SERPINF2: variants seen among roughly 807,000 people sequenced by gnomAD.
SERPINF2 encodes the protein serpin family F member 2, also known as alpha-2-antiplasmin.
SERPINF2 carries 15 observed loss-of-function variants against 45.0 expected under a neutral mutation model. The ratio of observed to expected loss-of-function variants is 0.33; its 90% CI spans 0.22 to 0.51. The LOEUF (loss-of-function observed/expected upper bound fraction) is 0.51, where lower values mean the gene tolerates loss of function less well. Ranked by LOEUF, SERPINF2 falls within the 20% of genes least tolerant of loss-of-function variation. SERPINF2 has a pLI of 0.97. For synonymous variants in SERPINF2, 283 were observed against 277.9 expected (o/e 1.02, Z -0.18); for missense variants, 518 against 637.4 (o/e 0.81, Z 2.02).
At position 1,745,549 on chromosome 17, in the gene SERPINF2, C is replaced by A; in HGVS notation, c.165+154C>A. The A allele has an allele frequency of 1.7e-6, 2 of 1,189,868 alleles. No individual in the cohort carries two copies. Among genetic ancestry groups the A allele is most frequent in the Non-Finnish European group, 1.2e-6 (1 of 831,008 alleles). The allele number at this position is 1,189,868 out of a possible 1,614,324, so 73.7% of individuals were successfully genotyped here. A position where few individuals can be genotyped will look rare whatever the true frequency, so the allele number is the denominator to read the frequency against. On this transcript the variant is annotated intron_variant, in intron 4 of 9. Transcript: ENST00000453066. This position sits in a 1 kb window ranked among gnomAD's most constrained non-coding sequence, Gnocchi z 6.2. ...GGTGGGGAGGACCGAAGGTGGGCGC[C>A]AGGCCCCAGAATGCCAGTGCCCTCC... is the stretch of plus-strand genomic sequence containing the variant.
intron 7 of SERPINF2, among the ~76,000 whole-genome samples, chr17:1,747,995 AT>A (rs998846068): frequency 2.0e-5 from 3 of 148,484 alleles, no homozygotes; most frequent in African/African-American, 7.4e-5. Flanking sequence ...CTGGGAACAA[AT>A]GGTCTGAAAA....
intron 9 of SERPINF2, 23 bp downstream of exon 9, chr17:1,752,813 GC>G (rs1906508682): frequency 8.2e-6 from 13 of 1,582,694 alleles, no homozygotes; most frequent in Non-Finnish European, 9.5e-6. Flanking sequence ...GTGCGGGCGA[GC>G]CCCCGAGGTC....
intron 8 of SERPINF2, among the ~76,000 whole-genome samples, chr17:1,750,443 G>C (rs963206656): frequency 6.6e-6 from 1 of 151,536 alleles, no homozygotes; most frequent in Non-Finnish European, 1.5e-5. Context: ...CACCGTGCCC[G>C]GCCAATTTTT....
intron 7 of SERPINF2, 82 bp downstream of exon 7, chr17:1,747,594 T>G: frequency 1.4e-6 from 2 of 1,458,358 alleles, no homozygotes; most frequent in Non-Finnish European, 1.9e-6. Flanking sequence ...GAGACAAGTC[T>G]CGCTCTGTCA....
At chr17:1,750,970 C>T (rs559480978) in intron 8 of SERPINF2, among the ~76,000 whole-genome samples, 3 of 152,282 alleles carry the variant, frequency 2.0e-5, no homozygotes, top group African/African-American at 7.2e-5. Context: ...CCTTAGGCCC[C>T]GTCAGCCTTT....
intron 5 of SERPINF2, among the ~76,000 whole-genome samples, chr17:1,746,450 A>C (rs2151189431): frequency 1.4e-5 from 2 of 144,776 alleles, no homozygotes; most frequent in East Asian, 4.1e-4. Flanking sequence ...TTTTTGAGAC[A>C]GAGTCTTGCT....
chr17:1,749,697 G>C (rs1327059910), intron 8 of SERPINF2, among the ~76,000 whole-genome samples: 1 of 152,170 alleles, frequency 6.6e-6, no homozygotes, highest in Non-Finnish European at 1.5e-5. Flanking sequence ...ACCAGGCCTG[G>C]CCTTATTTAG....
rs552317098 is a variant in SERPINF2, at chr17:1,755,065, C to T, written c.*531C>T. 9.5e-5 allele frequency: 15 copies of T among 158,354 alleles called. No homozygotes were observed. The highest frequency in any genetic ancestry group is 3.1e-3 in the Middle Eastern group (1 of 322). The allele number at this position is 158,354 out of a possible 1,614,324, so 9.8% of individuals were successfully genotyped here. A position where few individuals can be genotyped will look rare whatever the true frequency, so the allele number is the denominator to read the frequency against. ...GAGTCCATCAGCCTCCATCCTACCC[C>T]CTGTGCCTTGTCACGCCAGACTTCC... On this transcript the variant is annotated 3_prime_UTR_variant, in exon 10 of 10. Coordinates refer to ENST00000453066, the MANE Select transcript of SERPINF2 (RefSeq NM_000934.4). This position sits in a 1 kb window ranked among gnomAD's most constrained non-coding sequence, Gnocchi z 4.2.
intron 1 of SERPINF2, among the ~76,000 whole-genome samples, chr17:1,743,392 C>T (rs1597318317): frequency 6.6e-6 from 1 of 152,314 alleles, no homozygotes; most frequent in East Asian, 1.9e-4. Flanking sequence ...GTATGTCCAG[C>T]CTTGTGGGCA....
chr17:1,751,493 G>T (rs1324720291), intron 8 of SERPINF2, among the ~76,000 whole-genome samples: 1 of 132,994 alleles, frequency 7.5e-6, no homozygotes, highest in African/African-American at 2.5e-5. Flanking sequence ...ACAGGCTCAT[G>T]CCTGTAATCC....
intron 1 of SERPINF2, 180 bp downstream of exon 1, chr17:1,743,088 G>A (rs1905438079): frequency 2.0e-6 from 2 of 985,238 alleles, no homozygotes; most frequent in Non-Finnish European, 2.4e-6. Context: ...TCGGAGTCGG[G>A]GCCCTGGCCA....
At position 1,747,119 on chromosome 17, in the gene SERPINF2, C is replaced by A. The variant is rs776180935; in HGVS notation, c.468C>A (p.Gly156=). The change falls in exon 6 of 10, where the codon GGC becomes GGA. Residue 156 remains glycine (G), a synonymous_variant. Transcript: ENST00000453066. ...HLLSRLCQDL[G]PGAFRLAARM... ...TGAGCCGCCTCTGCCAGGACCTGGG[C>A]CCCGGCGCGTTCCGACTGGCTGCCA... 2.5e-5 allele frequency: 41 copies of A among 1,611,494 alleles called. No individual in the cohort carries two copies. The highest frequency in any genetic ancestry group is 3.5e-5 in the Non-Finnish European group (41 of 1,179,986).
Position 1,745,242 on chromosome 17 carries a change from G to C in SERPINF2, c.102+29G>C, listed in dbSNP as rs748843459. On this transcript the variant is annotated intron_variant, in intron 3 of 9. Coordinates refer to ENST00000453066, the MANE Select transcript of SERPINF2 (RefSeq NM_000934.4). The surrounding 1 kb of genome is among the most constrained non-coding windows in gnomAD (Gnocchi z 6.2). The stretch of plus-strand genomic sequence containing the variant: ...CTGGGGAGTGAGGAGCCTGTGATGG[G>C]GGGAAGGTCCCGGGGGTCTCACTGG... The C allele has an allele frequency of 1.9e-6, 3 of 1,584,134 alleles. No homozygotes were observed. Among genetic ancestry groups the C allele is most frequent in the African/African-American group, 2.7e-5 (2 of 74,094 alleles).
In SERPINF2 at chr17:1,754,617, C is replaced by T; in HGVS notation, c.*83C>T. The T allele has an allele frequency of 6.7e-7, 1 of 1,482,102 alleles. No homozygotes were observed. Among genetic ancestry groups the T allele is most frequent in the Non-Finnish European group, 9.0e-7 (1 of 1,112,708 alleles). The allele number at this position is 1,482,102 out of a possible 1,614,324, so 91.8% of individuals were successfully genotyped here. A position where few individuals can be genotyped will look rare whatever the true frequency, so the allele number is the denominator to read the frequency against. On this transcript the variant is annotated 3_prime_UTR_variant, in exon 10 of 10. Coordinates refer to ENST00000453066, the MANE Select transcript of SERPINF2 (RefSeq NM_000934.4). ...ACTCTTTCCAACCGGCTTTGTGGCA[C>T]TGGGGCAGGGGCCGGGGGCAGTCTG...
rs1905724958 is a variant in SERPINF2 at position 1,745,439 on chromosome 17, G to A, written c.165+44G>A. On this transcript the variant is annotated intron_variant, in intron 4 of 9. Transcript: ENST00000453066. The surrounding 1 kb of genome is among the most constrained non-coding windows in gnomAD (Gnocchi z 6.2). ...GGGGAAGAGTGGGCGGGGCTAGAGG[G>A]AGGAGGGCCCATCGGCAGGGGTCGG... is the stretch of plus-strand genomic sequence containing the variant. 4 of 1,554,800 alleles carry A rather than the reference G, an allele frequency of 2.6e-6. No homozygotes were observed. The highest frequency in any genetic ancestry group is 3.5e-6 in the Non-Finnish European group (4 of 1,130,564).
Position 1,754,393 on chromosome 17 carries a change from G to A in SERPINF2, c.1335G>A (p.Lys445=), listed in dbSNP as rs1906661772. Residue 445 remains lysine (K), a synonymous_variant, in exon 10 of 10, where the codon AAG becomes AAA. Coordinates refer to ENST00000453066, the MANE Select transcript of SERPINF2 (RefSeq NM_000934.4). ...NPNPSAPREL[K]EQQDSPGNKD... is the part of the protein sequence containing the mutation. ...ACCCCAGTGCACCGCGGGAGCTCAA[G>A]GAACAGCAGGATTCCCCGGGCAACA... is the stretch of plus-strand genomic sequence containing the variant. 1.2e-6 allele frequency: 2 copies of A among 1,613,962 alleles called. No individual in the cohort carries two copies. The highest frequency in any genetic ancestry group is 1.1e-5 in the South Asian group (1 of 91,086).
At chr17:1,743,295 A>G (rs958297479) in intron 1 of SERPINF2, among the ~76,000 whole-genome samples, 4 of 152,350 alleles carry the variant, frequency 2.6e-5, no homozygotes, top group Non-Finnish European at 4.4e-5. Flanking sequence ...GGCTCTGGCC[A>G]GAGTCATTCA....
intron 7 of SERPINF2, among the ~76,000 whole-genome samples, 193 bp from the exon 8 acceptor site, chr17:1,748,405 G>A (rs965677391): frequency 1.3e-5 from 2 of 152,142 alleles, no homozygotes; most frequent in African/African-American, 4.8e-5. Context: ...AGAGACCTTA[G>A]ATCAATTGGA....
chr17:1,753,909 A>G (rs2151197777), intron 9 of SERPINF2, among the ~76,000 whole-genome samples: 1 of 152,276 alleles, frequency 6.6e-6, no homozygotes, highest in African/African-American at 2.4e-5. Flanking sequence ...AACACTGAAA[A>G]TGTACCTTGG....
Sources: allele counts gnomAD v4.1 joint callset (sites outside exome capture counted in the v4.1 genomes callset), GRCh38; gene constraint gnomAD v4.1.1; non-coding constraint Gnocchi (gnomAD v3.1); transcripts MANE v1.5; gene names NCBI Gene and HGNC (gene_info 2026-07-23, HGNC 2026-07-21).